CCDC6: variants seen among roughly 807,000 people sequenced by gnomAD.
CCDC6 encodes coiled-coil domain containing 6.
Under a neutral mutation model 56.6 loss-of-function variants are expected in CCDC6, and 20 were observed. The observed-to-expected ratio is 0.35, with a 90% confidence interval of 0.25 to 0.51. The LOEUF (loss-of-function observed/expected upper bound fraction) is 0.51, where lower values mean the gene tolerates loss of function less well. CCDC6 is among the 20% of genes least tolerant of loss of function. The probability of loss-of-function intolerance (pLI) is 0.95; values close to 1 mark genes in which losing one functional copy is unlikely to be tolerated. For synonymous variants in CCDC6, 241 were observed against 234.4 expected (o/e 1.03, Z -0.26); for missense variants, 367 against 601.1 (o/e 0.61, Z 4.07).
At chr10:59,860,828 A>C (rs1264550628) in intron 1 of CCDC6, among the ~76,000 whole-genome samples, 1 of 152,194 alleles carries the variant, frequency 6.6e-6, no homozygotes, top group Non-Finnish European at 1.5e-5. Flanking sequence ...CGGGTGGATC[A>C]CTTGAGGTTC....
intron 5 of CCDC6, among the ~76,000 whole-genome samples, chr10:59,810,111 C>T (rs1352542180): frequency 6.6e-6 from 1 of 152,186 alleles, no homozygotes; most frequent in Non-Finnish European, 1.5e-5. Flanking sequence ...AACGTTCAAA[C>T]ATTGCTGAGA....
chr10:59,860,721 T>C (rs1017858848), intron 1 of CCDC6, among the ~76,000 whole-genome samples: 1 of 152,072 alleles, frequency 6.6e-6, no homozygotes, highest in South Asian at 2.1e-4. Flanking sequence ...CCCATATACA[T>C]GACCTAATAG....
chr10:59,900,056 G>A (rs185524611), intron 1 of CCDC6, among the ~76,000 whole-genome samples: 51 of 152,274 alleles, frequency 3.3e-4, no homozygotes, highest in Non-Finnish European at 5.3e-4. Flanking sequence ...ATACATACCC[G>A]TGCCTCTGGA....
intron 2 of CCDC6, among the ~76,000 whole-genome samples, chr10:59,844,748 A>G (rs2070975404): frequency 7.2e-6 from 1 of 138,240 alleles, no homozygotes; most frequent in African/African-American, 2.9e-5. Context: ...ACTATCTCCA[A>G]AAAAAAAAAA....
At chr10:59,798,991 C>CAAAAAAAAAAAAAAAAAAA in intron 7 of CCDC6, among the ~76,000 whole-genome samples, 1 of 76,972 alleles carries the variant, frequency 1.3e-5, no homozygotes, top group Non-Finnish European at 2.5e-5. Flanking sequence ...AAGACTGTTT[C>CAAAAAAAAAAAAAAAAAAA]AAAAAAAAAA....
In CCDC6 at chr10:59,793,109, C is replaced by T; in HGVS notation, c.1233G>A (p.Arg411=). ...QHMGTSHGIT[R]PSPRRSNSPD... is the part of the protein sequence containing the mutation. ...GACTGTTGCTTCTCCGTGGTGAAGG[C>T]CTCTGCAGAGGGGACAGGAACAGCA... The change falls in exon 9 of 9, where the codon AGG becomes AGA. Residue 411 remains arginine (R), a splice_region_variant and synonymous_variant. Transcript: ENST00000263102. 6.2e-7 allele frequency: 1 copy of T among 1,613,540 alleles called. No individual in the cohort carries two copies. Among genetic ancestry groups the T allele is most frequent in the Non-Finnish European group, 8.5e-7 (1 of 1,179,614 alleles).
chr10:59,831,573 G>A (rs773426054), intron 3 of CCDC6, among the ~76,000 whole-genome samples: 5 of 152,102 alleles, frequency 3.3e-5, no homozygotes, highest in Non-Finnish European at 5.9e-5. Context: ...GCCTAATCAG[G>A]GCAATCAGGA....
At chr10:59,807,400 G>A (rs1441560886) in intron 5 of CCDC6, among the ~76,000 whole-genome samples, 1 of 152,108 alleles carries the variant, frequency 6.6e-6, no homozygotes, top group African/African-American at 2.4e-5. Flanking sequence ...CAGGAGAACT[G>A]CTTGAACTCA....
rs1055575521 is a variant in CCDC6 at position 59,863,331 on chromosome 10, C to T, written c.304-10629G>A. On this transcript the variant is annotated intron_variant, in intron 1 of 8. Transcript: ENST00000263102. ...CCACTTTTGTTTGAATAAAATATTACATAATGAAAATGTTAAACAACGTTA... is the reference window on the plus strand; with the variant it reads ...CCACTTTTGTTTGAATAAAATATTATATAATGAAAATGTTAAACAACGTTA... 4.6e-5 allele frequency among the ~76,000 whole-genome samples: 7 copies of T among 152,190 alleles called. No homozygotes were observed. In the South Asian group the frequency reaches 1.4e-3, roughly 31 times the overall value.
rs778058230 is a variant in CCDC6 at position 59,812,753 on chromosome 10, T to C, written c.729A>G (p.Pro243=). ...EKLDQPVSAP[P]SPRDISMEID... is the part of the protein sequence containing the mutation. Reference sequence around the variant, plus strand: ...TCTCCATGGAGATATCTCTAGGCGATGGTGGAGCAGAGACGGGCTGGTCTA... The same window carrying C: ...TCTCCATGGAGATATCTCTAGGCGACGGTGGAGCAGAGACGGGCTGGTCTA... The change falls in exon 5 of 9, where the codon CCA becomes CCG. Residue 243 remains proline (P), a synonymous_variant. Coordinates refer to ENST00000263102, the MANE Select transcript of CCDC6 (RefSeq NM_005436.5). 3.1e-6 allele frequency: 5 copies of C among 1,611,716 alleles called. No individual in the cohort carries two copies. In the Admixed American group the frequency reaches 6.7e-5, roughly 22 times the overall value.
chr10:59,827,590 G>C (rs1014411793), intron 3 of CCDC6, among the ~76,000 whole-genome samples: 2 of 152,120 alleles, frequency 1.3e-5, no homozygotes, highest in African/African-American at 4.8e-5. Context: ...AGGGAGATTT[G>C]AACCCAGGGA....
intron 3 of CCDC6, among the ~76,000 whole-genome samples, chr10:59,831,728 G>A (rs2070837056): frequency 3.3e-5 from 5 of 152,168 alleles, no homozygotes; most frequent in Admixed American, 3.3e-4. Flanking sequence ...GGGGAACACC[G>A]AGGCTAGCAA....
At chr10:59,894,011 TC>T (rs1170018630) in intron 1 of CCDC6, among the ~76,000 whole-genome samples, 4 of 152,026 alleles carry the variant, frequency 2.6e-5, no homozygotes, top group Admixed American at 6.6e-5. Flanking sequence ...AGTCAATGAG[TC>T]CCTAACGGTA....
chr10:59,906,293 C>CCCACCGCCGCCGCCTCCCCCGCCG lies in CCDC6; in HGVS notation c.108_131dup (p.Gly37_Gly44dup), dbSNP rs757440218. On this transcript the variant is annotated inframe_insertion, in exon 1 of 9. Transcript: ENST00000263102. The stretch of plus-strand genomic sequence containing the variant: ...GCGAGATGACAATGCCCCCCGACTT[C>CCCACCGCCGCCGCCTCCCCCGCCG]CCACCGCCGCCGCCTCCCCCGCCGC... 31 of 1,605,634 alleles carry CCCACCGCCGCCGCCTCCCCCGCCG rather than the reference C, an allele frequency of 1.9e-5. No homozygotes were observed. The highest frequency in any genetic ancestry group is 4.5e-5 in the East Asian group (2 of 44,822).
At chr10:59,831,208 G>T (rs1376139793) in intron 3 of CCDC6, among the ~76,000 whole-genome samples, 1 of 152,016 alleles carries the variant, frequency 6.6e-6, no homozygotes, top group African/African-American at 2.4e-5. Flanking sequence ...GAAGATGAAT[G>T]GTAAGAAGAA....
chr10:59,829,776 G>A (rs2070819715), intron 3 of CCDC6, among the ~76,000 whole-genome samples: 1 of 152,144 alleles, frequency 6.6e-6, no homozygotes, highest in South Asian at 2.1e-4. Flanking sequence ...ACAGATGAAT[G>A]GTACGGGGTT....
At chr10:59,880,780 C>A (rs1422580534) in intron 1 of CCDC6, among the ~76,000 whole-genome samples, 2 of 152,188 alleles carry the variant, frequency 1.3e-5, no homozygotes, top group African/African-American at 4.8e-5. Context: ...GACACATCTT[C>A]CATCTGTAAA....
chr10:59,791,955 G>T lies in CCDC6; in HGVS notation c.*962C>A. Reference sequence around the variant, plus strand: ...TCTGGCCATTATGCCAAGATAATGCGATAATGTCCATTTCAAATAGTATTT... The same window carrying T: ...TCTGGCCATTATGCCAAGATAATGCTATAATGTCCATTTCAAATAGTATTT... On this transcript the variant is annotated 3_prime_UTR_variant, in exon 9 of 9. Coordinates refer to ENST00000263102, the MANE Select transcript of CCDC6 (RefSeq NM_005436.5). 4.5e-6 allele frequency: 1 copy of T among 220,948 alleles called. No homozygotes were observed. Among genetic ancestry groups the T allele is most frequent in the Non-Finnish European group, 9.1e-6 (1 of 110,132 alleles). 13.7% of individuals were successfully genotyped at this position (220,948 alleles called of 1,614,324 possible).
At chr10:59,810,289 C>T (rs1269976867) in intron 5 of CCDC6, among the ~76,000 whole-genome samples, 1 of 152,202 alleles carries the variant, frequency 6.6e-6, no homozygotes, top group South Asian at 2.1e-4. Context: ...CCAATCACTG[C>T]AAGCAGCTAA....
Sources: gnomAD v4.1 joint callset for allele counts (sites outside exome capture counted in the v4.1 genomes callset) on GRCh38, gnomAD v4.1.1 for gene constraint, MANE v1.5 for transcripts, NCBI Gene and HGNC (gene_info 2026-07-23, HGNC 2026-07-21) for gene names.